The following KDM4C variants were observed in gnomAD, a reference collection of about 807,000 sequenced individuals.
KDM4C encodes the protein lysine-specific demethylase 4C.
Under a neutral mutation model 129.3 loss-of-function variants are expected in KDM4C, and 81 were observed. The observed-to-expected ratio is 0.63, with a 90% CI of 0.52 to 0.75. The LOEUF (loss-of-function observed/expected upper bound fraction) is 0.75. Among genes scored for constraint, KDM4C ranks in the 30% least tolerant of loss-of-function variants. The pLI is 0.00. For missense variants in KDM4C, 1,457 were observed against 1,304.0 expected, an observed-to-expected ratio of 1.12 and a Z score of -1.81; for synonymous variants, 573 against 456.1, an observed-to-expected ratio of 1.26 and a Z score of -3.26.
chr9:7,066,978 G>A (rs1040805059), intron 17 of KDM4C, among the ~76,000 whole-genome samples: 3 of 152,142 alleles, frequency 2.0e-5, no homozygotes, highest in African/African-American at 4.8e-5. Context: ...AAACAAGAGG[G>A]AATCAGTGGC....
At chr9:6,988,152 G>A (rs1818056898) in intron 11 of KDM4C, among the ~76,000 whole-genome samples, 1 of 84,784 alleles carries the variant, frequency 1.2e-5, no homozygotes, top group East Asian at 3.7e-4. Flanking sequence ...GAGAGACCCT[G>A]TCTCTTAAAA....
intron 15 of KDM4C, among the ~76,000 whole-genome samples, chr9:7,021,543 T>G (rs1563997036): frequency 6.6e-6 from 1 of 152,230 alleles, no homozygotes; most frequent in Non-Finnish European, 1.5e-5. Flanking sequence ...TTTGAGTTCC[T>G]TTTATATTCT....
At chr9:7,138,434 A>T (rs1182176442) in intron 19 of KDM4C, among the ~76,000 whole-genome samples, 1 of 152,196 alleles carries the variant, frequency 6.6e-6, no homozygotes, top group Non-Finnish European at 1.5e-5. Context: ...ATAGTACAAT[A>T]TGTTGAATAA....
intron 17 of KDM4C, among the ~76,000 whole-genome samples, chr9:7,082,898 G>C (rs529932117): frequency 2.9e-4 from 44 of 151,702 alleles, no homozygotes; most frequent in Admixed American, 5.3e-4. Context: ...ATAAAATATA[G>C]TACCAAACAT....
chr9:6,821,239 A>G (rs529524391), intron 4 of KDM4C, among the ~76,000 whole-genome samples: 2 of 152,280 alleles, frequency 1.3e-5, no homozygotes, highest in Admixed American at 6.5e-5. Context: ...TATACCCAGT[A>G]ATGAGATGGC....
At chr9:6,843,039 C>T (rs183670139) in intron 4 of KDM4C, among the ~76,000 whole-genome samples, 107 of 152,310 alleles carry the variant, frequency 7.0e-4, no homozygotes, top group African/African-American at 1.7e-3. Flanking sequence ...AAGTGATTCT[C>T]GTGCCTCAGC....
chr9:6,821,290 C>T (rs971671227), intron 4 of KDM4C, among the ~76,000 whole-genome samples: 1 of 152,200 alleles, frequency 6.6e-6, no homozygotes, highest in African/African-American at 2.4e-5. Flanking sequence ...CTTGAGGAAT[C>T]ACCACACTGT....
At chr9:6,958,634 C>A (rs1163723827) in intron 8 of KDM4C, among the ~76,000 whole-genome samples, 5 of 150,952 alleles carry the variant, frequency 3.3e-5, no homozygotes, top group African/African-American at 1.2e-4. Flanking sequence ...TTACTTTTTC[C>A]CCCTAGTAGT....
At chr9:6,903,901 C>T (rs1404341089) in intron 8 of KDM4C, among the ~76,000 whole-genome samples, 1 of 152,120 alleles carries the variant, frequency 6.6e-6, no homozygotes, top group Non-Finnish European at 1.5e-5. Context: ...ATTCAAGATC[C>T]TATAGATTAT....
intron 17 of KDM4C, among the ~76,000 whole-genome samples, chr9:7,079,764 A>G (rs1217835773): frequency 4.6e-5 from 7 of 152,238 alleles, no homozygotes; most frequent in Non-Finnish European, 1.0e-4. Context: ...GGATCCGTGT[A>G]TTCCAGGGTT....
chr9:6,954,299 A>G (rs541476688), intron 8 of KDM4C, among the ~76,000 whole-genome samples: 33 of 152,262 alleles, frequency 2.2e-4, no homozygotes, highest in South Asian at 2.1e-3. Flanking sequence ...GGTCACGTCA[A>G]TGTCTTCATA....
At chr9:7,038,669 A>G (rs12555356) in intron 15 of KDM4C, among the ~76,000 whole-genome samples, 8,458 of 152,094 alleles carry the variant, frequency 0.056, 262 homozygotes, top group South Asian at 0.097. Flanking sequence ...AGATTCAAAT[A>G]TTTAGGTTAG....
intron 1 of KDM4C, among the ~76,000 whole-genome samples, chr9:6,741,382 G>A (rs887531313): frequency 1.3e-5 from 2 of 151,988 alleles, no homozygotes; most frequent in African/African-American, 2.4e-5. Context: ...GCAACAGAGC[G>A]AGACTCTATC....
chr9:6,984,521 A>G, intron 10 of KDM4C, 117 bp downstream of exon 10: 2 of 699,304 alleles, frequency 2.9e-6, no homozygotes, highest in Non-Finnish European at 5.0e-6. Context: ...TTAATCAGTA[A>G]TCTACCAAAG....
chr9:7,087,344 A>C (rs1487165264), intron 17 of KDM4C, among the ~76,000 whole-genome samples: 1 of 152,132 alleles, frequency 6.6e-6, no homozygotes, highest in Non-Finnish European at 1.5e-5. Context: ...AGCAGTCTGT[A>C]ACATACATTC....
chr9:7,027,019 T>C (rs1385776989), intron 15 of KDM4C, among the ~76,000 whole-genome samples: 1 of 152,128 alleles, frequency 6.6e-6, no homozygotes. Context: ...TTTCTTTGAG[T>C]TTACTCTGAG....
intron 1 of KDM4C, among the ~76,000 whole-genome samples, chr9:6,760,099 A>G (rs1241192294): frequency 6.6e-6 from 1 of 152,086 alleles, no homozygotes; most frequent in Non-Finnish European, 1.5e-5. Flanking sequence ...GTCATTGCCT[A>G]GTTCCCTCCA....
At chr9:7,090,824 C>G (rs966862928) in intron 17 of KDM4C, among the ~76,000 whole-genome samples, 6 of 152,218 alleles carry the variant, frequency 3.9e-5, no homozygotes, top group Non-Finnish European at 8.8e-5. Context: ...GTGTGTCCAG[C>G]TGTCACTTTC....
chr9:6,918,118 C>T (rs1820665611), intron 8 of KDM4C, among the ~76,000 whole-genome samples: 1 of 152,176 alleles, frequency 6.6e-6, no homozygotes, highest in Non-Finnish European at 1.5e-5. Flanking sequence ...GATCTCATCA[C>T]CCAGGCAGTG....
Sources: gnomAD v4.1 joint callset for allele counts (sites outside exome capture counted in the v4.1 genomes callset) on GRCh38, gnomAD v4.1.1 for gene constraint, MANE v1.5 for transcripts, NCBI Gene and HGNC (gene_info 2026-07-23, HGNC 2026-07-21) for gene names.